The following SPAG16 variants were observed in gnomAD, a reference collection of about 807,000 sequenced individuals.
The protein encoded by SPAG16 is sperm associated antigen 16.
SPAG16 carries 86 observed loss-of-function variants against 80.4 expected under a neutral mutation model. The ratio of observed to expected loss-of-function variants is 1.07; its 90% confidence interval spans 0.90 to 1.28. The LOEUF (loss-of-function observed/expected upper bound fraction) is 1.28, where lower values mean the gene tolerates loss of function less well. Ranked by LOEUF, SPAG16 falls within the 50% of genes most tolerant of loss-of-function variation. The pLI is 0.00. For synonymous variants in SPAG16, 294 were observed against 265.9 expected (o/e 1.11, Z -1.03); for missense variants, 870 against 765.3 (o/e 1.14, Z -1.61).
intron 3 of SPAG16, among the ~76,000 whole-genome samples, chr2:213,299,413 G>A (rs1330400835): frequency 1.3e-5 from 2 of 149,552 alleles, no homozygotes; most frequent in Non-Finnish European, 3.0e-5. Context: ...TGGGACTACA[G>A]GCACCTGCCA....
At chr2:214,250,745 T>TAGAG (rs1398273243) in intron 15 of SPAG16, among the ~76,000 whole-genome samples, 7 of 86,212 alleles carry the variant, frequency 8.1e-5, no homozygotes, top group Non-Finnish European at 1.7e-4. Flanking sequence ...TATATATATA[T>TAGAG]ATATATATAT....
At chr2:213,402,593 C>T (rs1178963399) in intron 9 of SPAG16, among the ~76,000 whole-genome samples, 1 of 150,724 alleles carries the variant, frequency 6.6e-6, no homozygotes, top group Admixed American at 6.6e-5. Context: ...CACCCCACAA[C>T]AGTCCCTGGA....
At chr2:213,760,058 C>T (rs553994546) in intron 10 of SPAG16, among the ~76,000 whole-genome samples, 7 of 151,762 alleles carry the variant, frequency 4.6e-5, no homozygotes, top group African/African-American at 1.7e-4. Flanking sequence ...AAAAAGAATT[C>T]AAAAATAGTA....
chr2:213,364,151 T>C lies in SPAG16; in HGVS notation c.832+6T>C, dbSNP rs1400418106. On this transcript the variant is annotated splice_donor_region_variant and intron_variant, in intron 8 of 15. Coordinates refer to ENST00000331683, the MANE Select transcript of SPAG16 (RefSeq NM_024532.5). Reference sequence around the variant, plus strand: ...CCATGGTCCTCAAATTAAAGGTAAATGTAAAATGTGATGAAGCTCTCATTT... The same window carrying C: ...CCATGGTCCTCAAATTAAAGGTAAACGTAAAATGTGATGAAGCTCTCATTT... The C allele has an allele frequency of 9.4e-6, 14 of 1,482,294 alleles. No homozygotes were observed. The highest frequency in any genetic ancestry group is 2.3e-5 in the Admixed American group (1 of 43,830). The allele number at this position is 1,482,294 out of a possible 1,614,324, so 91.8% of individuals were successfully genotyped here.
rs377511961 is a variant in SPAG16, at chr2:213,789,632, A to G, written c.1071-72853A>G. On this transcript the variant is annotated intron_variant, in intron 10 of 15. Coordinates refer to ENST00000331683, the MANE Select transcript of SPAG16 (RefSeq NM_024532.5). ...ACATTTGACAGTTCGGCTCAGTGAT[A>G]ACCTTATTCACTCACACGATGTAAT... Among the ~76,000 whole-genome samples, 116 of 152,066 alleles carry G rather than the reference A, an allele frequency of 7.6e-4. 1 individual carries two copies. The South Asian group carries it at 0.017, about 22-fold the overall frequency.
At chr2:213,906,575 G>A (rs1268341881) in intron 11 of SPAG16, among the ~76,000 whole-genome samples, 1 of 152,076 alleles carries the variant, frequency 6.6e-6, no homozygotes, top group Non-Finnish European at 1.5e-5. Flanking sequence ...TGACCAAAAA[G>A]AACAAAGCTG....
intron 4 of SPAG16, among the ~76,000 whole-genome samples, chr2:213,315,651 C>CGTACT (rs1440888577): frequency 6.6e-6 from 1 of 151,560 alleles, no homozygotes; most frequent in African/African-American, 2.4e-5. Flanking sequence ...GTCTCTCAGA[C>CGTACT]GTACTCTCAG....
At chr2:214,357,301 C>A (rs143150079) in intron 15 of SPAG16, among the ~76,000 whole-genome samples, 2,095 of 151,940 alleles carry the variant, frequency 0.014, 54 homozygotes, top group Admixed American at 0.054. Flanking sequence ...AATTTCTCTC[C>A]ATATCCTATG....
chr2:213,915,048 G>A (rs1405522437), intron 11 of SPAG16, among the ~76,000 whole-genome samples: 3 of 152,026 alleles, frequency 2.0e-5, no homozygotes, highest in Non-Finnish European at 2.9e-5. Context: ...TCATAATCAC[G>A]GCAGAAGGTG....
chr2:213,482,126 C>T (rs1371500401), intron 9 of SPAG16, among the ~76,000 whole-genome samples: 4 of 152,252 alleles, frequency 2.6e-5, no homozygotes, highest in Non-Finnish European at 5.9e-5. Flanking sequence ...AAATATATCT[C>T]TCTTGTACTA....
chr2:214,292,086 T>G (rs963050961), intron 15 of SPAG16, among the ~76,000 whole-genome samples: 2 of 152,214 alleles, frequency 1.3e-5, no homozygotes, highest in Non-Finnish European at 2.9e-5. Context: ...CATTTTCTCC[T>G]GGCCTAACAG....
intron 10 of SPAG16, among the ~76,000 whole-genome samples, chr2:213,632,277 T>G (rs1574570523): frequency 6.6e-6 from 1 of 152,166 alleles, no homozygotes; most frequent in African/African-American, 2.4e-5. Flanking sequence ...TTCACATTCT[T>G]CACTGTTGGC....
At chr2:214,322,278 T>C (rs531933938) in intron 15 of SPAG16, among the ~76,000 whole-genome samples, 1 of 152,342 alleles carries the variant, frequency 6.6e-6, no homozygotes, top group South Asian at 2.1e-4. Context: ...ATGGTCTGAA[T>C]GAGGTGAAAA....
At chr2:214,058,904 C>T (rs1438306132) in intron 13 of SPAG16, among the ~76,000 whole-genome samples, 3 of 152,016 alleles carry the variant, frequency 2.0e-5, no homozygotes, top group Non-Finnish European at 4.4e-5. Context: ...CAGGAAACTG[C>T]TACAGTGGTG....
At chr2:214,174,786 G>A (rs1220859548) in intron 15 of SPAG16, among the ~76,000 whole-genome samples, 1 of 151,632 alleles carries the variant, frequency 6.6e-6, no homozygotes, top group Admixed American at 6.6e-5. Flanking sequence ...TCTAGCCAGT[G>A]GACAGGAAAA....
chr2:214,368,083 A>G (rs894406139), intron 15 of SPAG16, among the ~76,000 whole-genome samples: 4 of 152,150 alleles, frequency 2.6e-5, no homozygotes, highest in East Asian at 1.9e-4. Flanking sequence ...TGAACTTTCT[A>G]TGAAGTCTAC....
intron 10 of SPAG16, among the ~76,000 whole-genome samples, chr2:213,770,856 G>T (rs776448194): frequency 2.0e-5 from 3 of 152,090 alleles, no homozygotes; most frequent in Admixed American, 6.6e-5. Flanking sequence ...TCTTTATCCA[G>T]TCTATCATTG....
chr2:213,768,414 C>G (rs1011707659), intron 10 of SPAG16, among the ~76,000 whole-genome samples: 1 of 152,126 alleles, frequency 6.6e-6, no homozygotes, highest in African/African-American at 2.4e-5. Flanking sequence ...ACTCTGAAAG[C>G]TCTGTTGTGA....
At chr2:213,985,287 C>A (rs1435200900) in intron 12 of SPAG16, among the ~76,000 whole-genome samples, 1 of 151,978 alleles carries the variant, frequency 6.6e-6, no homozygotes, top group Non-Finnish European at 1.5e-5. Context: ...AATAAATTTT[C>A]TGTGTCTAAA....
Sources: gnomAD v4.1 joint callset for allele counts (sites outside exome capture counted in the v4.1 genomes callset) on GRCh38, gnomAD v4.1.1 for gene constraint, MANE v1.5 for transcripts, NCBI Gene and HGNC (gene_info 2026-07-23, HGNC 2026-07-21) for gene names.